The following SPAG16 variants were observed in gnomAD, a reference collection of about 807,000 sequenced individuals.
SPAG16 encodes the protein sperm-associated antigen 16 protein.
SPAG16 carries 86 observed loss-of-function variants against 80.4 expected under a neutral mutation model. That is an observed-to-expected ratio of 1.07 (90% CI 0.90 to 1.28). The LOEUF is 1.28. Ranked by LOEUF, SPAG16 falls within the 50% of genes most tolerant of loss-of-function variation. The pLI is 0.00. For missense variants in SPAG16, 870 were observed against 765.3 expected, an observed-to-expected ratio of 1.14 and a Z score of -1.61; for synonymous variants, 294 against 265.9, an observed-to-expected ratio of 1.11 and a Z score of -1.03.
chr2:213,888,691 T>G (rs2076663885), intron 11 of SPAG16, among the ~76,000 whole-genome samples: 1 of 151,916 alleles, frequency 6.6e-6, no homozygotes, highest in African/African-American at 2.4e-5. Context: ...TCCTAACCTT[T>G]TCTTTTATAT....
intron 14 of SPAG16, among the ~76,000 whole-genome samples, chr2:214,138,519 T>C (rs1479345542): frequency 1.3e-5 from 2 of 152,130 alleles, no homozygotes; most frequent in Non-Finnish European, 2.9e-5. Flanking sequence ...ATAGTCAATA[T>C]ACCAATTTGG....
At chr2:213,392,457 A>G (rs1575464999) in intron 9 of SPAG16, among the ~76,000 whole-genome samples, 1 of 152,362 alleles carries the variant, frequency 6.6e-6, no homozygotes, top group East Asian at 1.9e-4. Context: ...TTTCTAAAAA[A>G]GAATTTAGTT....
At chr2:214,408,484 G>T (rs576389862) in intron 15 of SPAG16, among the ~76,000 whole-genome samples, 1 of 152,256 alleles carries the variant, frequency 6.6e-6, no homozygotes, top group South Asian at 2.1e-4. Flanking sequence ...GCTGTGTCAG[G>T]TTTTGTTCTA....
At chr2:213,869,280 T>TATATATATATACAC (rs869276304) in intron 11 of SPAG16, among the ~76,000 whole-genome samples, 101 of 112,430 alleles carry the variant, frequency 9.0e-4, no homozygotes, top group South Asian at 5.9e-3. Context: ...TATATATATA[T>TATATATATATACAC]GTATATATAT....
rs188139764 is a variant in SPAG16 at position 213,538,020 on chromosome 2, T to G, written c.1070+47930T>G. ...AGTACTGACAGTATCAAAAGAATGT[T>G]TGCTCTACTTTTATGAGGTTTTTGT... On this transcript the variant is annotated intron_variant, in intron 10 of 15. Transcript: ENST00000331683. Among the ~76,000 whole-genome samples, 13 of 152,330 alleles carry G rather than the reference T, an allele frequency of 8.5e-5. No homozygotes were observed. The East Asian group carries it at 2.5e-3, about 29-fold the overall frequency.
intron 10 of SPAG16, chr2:213,758,290 T>C (rs2068454525): frequency 6.6e-6 from 1 of 152,328 alleles, no homozygotes; most frequent in Non-Finnish European, 1.5e-5. Context: ...GTTACTATGT[T>C]ATTAGATCCA....
intron 1 of SPAG16, among the ~76,000 whole-genome samples, chr2:213,293,758 A>G (rs2062389450): frequency 6.6e-6 from 1 of 152,222 alleles, no homozygotes; most frequent in African/African-American, 2.4e-5. Flanking sequence ...CTACAATATA[A>G]TAAATGCTTA....
At chr2:213,937,989 CT>C (rs2079054690) in intron 12 of SPAG16, among the ~76,000 whole-genome samples, 1 of 151,910 alleles carries the variant, frequency 6.6e-6, no homozygotes, top group African/African-American at 2.4e-5. Flanking sequence ...TAATTTGGAT[CT>C]GACATGCTGT....
intron 13 of SPAG16, among the ~76,000 whole-genome samples, chr2:214,104,467 G>A (rs1015398478): frequency 6.6e-6 from 1 of 152,082 alleles, no homozygotes; most frequent in Non-Finnish European, 1.5e-5. Flanking sequence ...GGGTCTGTAG[G>A]ATGATGGCCT....
intron 15 of SPAG16, among the ~76,000 whole-genome samples, chr2:214,355,873 G>C (rs998514116): frequency 6.6e-6 from 1 of 151,028 alleles, no homozygotes; most frequent in Non-Finnish European, 1.5e-5. Context: ...GTCCTTTGTA[G>C]GGACATGGAT....
intron 13 of SPAG16, among the ~76,000 whole-genome samples, chr2:214,077,272 C>T (rs781539219): frequency 9.9e-5 from 15 of 152,092 alleles, no homozygotes; most frequent in Non-Finnish European, 1.9e-4. Flanking sequence ...CAAGGGATCC[C>T]GAGAGGATGT....
chr2:214,119,895 A>G (rs2054130317), intron 14 of SPAG16, among the ~76,000 whole-genome samples: 1 of 152,024 alleles, frequency 6.6e-6, no homozygotes, highest in Non-Finnish European at 1.5e-5. Context: ...GCTGATGAGA[A>G]TCAACTATAA....
intron 8 of SPAG16, chr2:213,365,538 GC>G (rs2066233767): frequency 6.6e-6 from 1 of 151,634 alleles, no homozygotes; most frequent in East Asian, 2.0e-4. Context: ...GCTCACTGCA[GC>G]CTCCACCTCC....
intron 15 of SPAG16, among the ~76,000 whole-genome samples, chr2:214,249,658 T>C (rs1468816653): frequency 1.3e-5 from 2 of 152,084 alleles, no homozygotes; most frequent in Non-Finnish European, 2.9e-5. Flanking sequence ...AAAATAAAAA[T>C]AATGGAAAAG....
chr2:213,482,820 A>G (rs2073815610), intron 9 of SPAG16, among the ~76,000 whole-genome samples: 1 of 152,158 alleles, frequency 6.6e-6, no homozygotes, highest in African/African-American at 2.4e-5. Flanking sequence ...TAGAGGAAAA[A>G]GAATATTAAA....
At chr2:213,712,793 A>C (rs973752074) in intron 10 of SPAG16, among the ~76,000 whole-genome samples, 1 of 152,202 alleles carries the variant, frequency 6.6e-6, no homozygotes, top group Non-Finnish European at 1.5e-5. Context: ...AATAAAAATA[A>C]GCATCTTTTA....
At chr2:213,363,365 AG>A (rs2066101221) in intron 7 of SPAG16, among the ~76,000 whole-genome samples, 1 of 152,108 alleles carries the variant, frequency 6.6e-6, no homozygotes, top group African/African-American at 2.4e-5. Context: ...ACTCATCTAT[AG>A]GTTATAATTA....
At chr2:213,912,206 A>C (rs1372592998) in intron 11 of SPAG16, among the ~76,000 whole-genome samples, 1 of 152,136 alleles carries the variant, frequency 6.6e-6, no homozygotes, top group Non-Finnish European at 1.5e-5. Context: ...GTACACTTGA[A>C]AATGCTTTTA....
intron 9 of SPAG16, among the ~76,000 whole-genome samples, chr2:213,386,584 TC>T (rs2067441966): frequency 6.6e-6 from 1 of 152,222 alleles, no homozygotes; most frequent in Admixed American, 6.5e-5. Context: ...TATCTTTACT[TC>T]TCAAGCCAGT....
Sources: allele counts gnomAD v4.1 joint callset (sites outside exome capture counted in the v4.1 genomes callset), GRCh38; gene constraint gnomAD v4.1.1; transcripts MANE v1.5; gene names NCBI Gene and HGNC (gene_info 2026-07-23, HGNC 2026-07-21).